The following JMY variants were observed in gnomAD, a reference collection of about 807,000 sequenced individuals.
JMY encodes junction-mediating and -regulatory protein.
A neutral mutation model predicts 103.3 loss-of-function variants in JMY; 46 were observed. The ratio of observed to expected loss-of-function variants is 0.45; its 90% CI spans 0.35 to 0.57. JMY has a LOEUF of 0.57. Ranked by LOEUF, JMY falls within the 20% of genes least tolerant of loss-of-function variation. The pLI is 0.00. For synonymous variants in JMY, 526 were observed against 489.3 expected (o/e 1.07, Z -0.99); for missense variants, 1,238 against 1,255.2 (o/e 0.99, Z 0.21).
chr5:79,290,623 T>G (rs1446646550), intron 3 of JMY, among the ~76,000 whole-genome samples: 1 of 152,158 alleles, frequency 6.6e-6, no homozygotes, highest in Non-Finnish European at 1.5e-5. Context: ...TTTATAAGTG[T>G]TTTAACTGCA....
chr5:79,256,400 C>T (rs1745243747), intron 1 of JMY, among the ~76,000 whole-genome samples: 2 of 151,992 alleles, frequency 1.3e-5, no homozygotes, highest in African/African-American at 4.8e-5. Context: ...ATCAGGGACC[C>T]CATGAGCCCA....
At chr5:79,278,150 G>A (rs532530473) in intron 2 of JMY, 67 bp downstream of exon 2, 19 of 1,102,786 alleles carry the variant, frequency 1.7e-5, no homozygotes, top group African/African-American at 1.4e-4. Flanking sequence ...AAGGCCATGC[G>A]TTATCCACAA....
rs148402002 is a variant in JMY, at chr5:79,264,342, C to G, written c.1033-13568C>G. On this transcript the variant is annotated intron_variant, in intron 1 of 10. Coordinates refer to ENST00000396137, the MANE Select transcript of JMY (RefSeq NM_152405.5). ...GCTTAAGCAATCCGCTGACCTCAGC[C>G]TCCCAGAGGGCTGGAATTACAGGTG... Among the ~76,000 whole-genome samples, 1,006 of 152,142 alleles carry G rather than the reference C, an allele frequency of 6.6e-3. 9 individuals carry two copies. The highest frequency in any genetic ancestry group is 0.023 in the African/African-American group (943 of 41,502).
At chr5:79,247,597 G>A (rs984458573) in intron 1 of JMY, among the ~76,000 whole-genome samples, 1 of 151,928 alleles carries the variant, frequency 6.6e-6, no homozygotes, top group African/African-American at 2.4e-5. Flanking sequence ...GATTATAAAC[G>A]TGAGCCACCT....
rs1040637611 is a variant in JMY, at chr5:79,325,587, G to A, written c.*3985G>A. ...GGAGTGACCAGCAAGATTTATTTCAGATGGAAAAGGGGTGAGAAAGTGGAA... is the reference window on the plus strand; with the variant it reads ...GGAGTGACCAGCAAGATTTATTTCAAATGGAAAAGGGGTGAGAAAGTGGAA... On this transcript the variant is annotated 3_prime_UTR_variant, in exon 11 of 11. Coordinates refer to ENST00000396137, the MANE Select transcript of JMY (RefSeq NM_152405.5). 3 of 152,142 alleles carry A rather than the reference G, an allele frequency of 2.0e-5. No homozygotes were observed. Among genetic ancestry groups the A allele is most frequent in the African/African-American group, 7.2e-5 (3 of 41,450 alleles). 9.4% of individuals were successfully genotyped at this position (152,142 alleles called of 1,614,324 possible).
rs370651121 is a variant in JMY at position 79,291,369 on chromosome 5, CA to C, written c.1527+71del. ...TTGTCATTTTAATCTTTGCACAAGA[CA>C]TTTTTTTGATTCGATAGGCAGTGAT... is the stretch of plus-strand genomic sequence containing the variant. On this transcript the variant is annotated intron_variant, in intron 4 of 10. Coordinates refer to ENST00000396137, the MANE Select transcript of JMY (RefSeq NM_152405.5). 37 of 1,369,210 alleles carry C rather than the reference CA, an allele frequency of 2.7e-5. No individual in the cohort carries two copies. The African/African-American group carries it at 5.0e-4, about 18-fold the overall frequency. 84.8% of individuals were successfully genotyped at this position (1,369,210 alleles called of 1,614,324 possible). A position where few individuals can be genotyped will look rare whatever the true frequency, so the allele number is the denominator to read the frequency against.
chr5:79,300,820 G>A lies in JMY; in HGVS notation c.1838G>A (p.Arg613His), dbSNP rs1746712866. 1 of 1,604,362 alleles carries A rather than the reference G, an allele frequency of 6.2e-7. No individual in the cohort carries two copies. The highest frequency in any genetic ancestry group is 8.5e-7 in the Non-Finnish European group (1 of 1,177,096). Residue 613 changes from arginine (R) to histidine (H), a missense_variant, in exon 6 of 11, where the codon CGT becomes CAT. Arg to His is a conservative substitution (Grantham distance 29). Transcript: ENST00000396137. Reference sequence around the variant, plus strand: ...AAAGCACGCCAGCTGGAAGCAAGACGTGGACGGGTTTCTGCCAAGAAATCC... The same window carrying A: ...AAAGCACGCCAGCTGGAAGCAAGACATGGACGGGTTTCTGCCAAGAAATCC... ...QQKARQLEAR[R>H]GRVSAKKSYL...
chr5:79,278,245 C>T (rs538256578), intron 2 of JMY, among the ~76,000 whole-genome samples, 162 bp downstream of exon 2: 1 of 151,794 alleles, frequency 6.6e-6, no homozygotes, highest in Admixed American at 6.6e-5. Flanking sequence ...GGGTTGTAGC[C>T]TGAGTATCCA....
intron 2 of JMY, among the ~76,000 whole-genome samples, chr5:79,288,349 T>G (rs1205198545): frequency 6.6e-6 from 1 of 152,076 alleles, no homozygotes; most frequent in Non-Finnish European, 1.5e-5. Context: ...TTTTCAGTGG[T>G]TTTTCTCTCT....
At chr5:79,295,864 A>G (rs950061357) in intron 4 of JMY, among the ~76,000 whole-genome samples, 5 of 152,242 alleles carry the variant, frequency 3.3e-5, no homozygotes, top group African/African-American at 1.2e-4. Flanking sequence ...GTCTAAATAC[A>G]AAAAGGTAGG....
intron 2 of JMY, 85 bp from the exon 3 acceptor site, chr5:79,290,036 C>A: frequency 1.1e-6 from 1 of 924,364 alleles, no homozygotes; most frequent in South Asian, 2.6e-5. Flanking sequence ...AACAAGTATT[C>A]TTTGTGGTAT....
intron 10 of JMY, 30 bp downstream of exon 10, chr5:79,316,340 T>C (rs1262769823): frequency 6.7e-7 from 1 of 1,502,330 alleles, no homozygotes; most frequent in Non-Finnish European, 9.1e-7. Flanking sequence ...TTAGTAGCAT[T>C]CAGTAATACA....
At position 79,273,360 on chromosome 5, in the gene JMY, CTA is replaced by C. The variant is rs529735163; in HGVS notation, c.1033-4548_1033-4547del. On this transcript the variant is annotated intron_variant, in intron 1 of 10. Coordinates refer to ENST00000396137, the MANE Select transcript of JMY (RefSeq NM_152405.5). ...GTTTTGTTTATTCCTCATCTGTTCT[CTA>C]TTGTTTCTAGTTTGTAGTCAGCATT... 3.0e-3 allele frequency among the ~76,000 whole-genome samples: 464 copies of C among 152,246 alleles called. 6 individuals are homozygous for C. The highest frequency in any genetic ancestry group is 8.5e-4 in the Non-Finnish European group (58 of 68,006).
intron 1 of JMY, among the ~76,000 whole-genome samples, chr5:79,267,645 G>A (rs1346713300): frequency 6.6e-6 from 1 of 152,100 alleles, no homozygotes; most frequent in Non-Finnish European, 1.5e-5. Context: ...AAACTCCCAG[G>A]GTCAAGCAAT....
At chr5:79,270,215 G>A (rs1052830541) in intron 1 of JMY, among the ~76,000 whole-genome samples, 2 of 150,662 alleles carry the variant, frequency 1.3e-5, no homozygotes, top group African/African-American at 2.4e-5. Flanking sequence ...GGACATCCTT[G>A]CTTTTTGCCT....
intron 1 of JMY, among the ~76,000 whole-genome samples, chr5:79,277,691 A>T (rs978148194): frequency 1.3e-5 from 2 of 152,056 alleles, no homozygotes; most frequent in African/African-American, 4.8e-5. Context: ...GGCTAAGCTC[A>T]ATACTTTGAG....
Position 79,237,696 on chromosome 5 carries a change from C to A in JMY, c.1032+14C>A. On this transcript the variant is annotated intron_variant, in intron 1 of 10. Coordinates refer to ENST00000396137, the MANE Select transcript of JMY (RefSeq NM_152405.5). ...CGCATCCAGGAGGTGAGTGAGTGAG[C>A]TCCTAGTCTGGGCTCTACTGGTCGC... is the stretch of plus-strand genomic sequence containing the variant. The A allele has an allele frequency of 6.2e-7, 1 of 1,603,430 alleles. No individual in the cohort carries two copies. The highest frequency in any genetic ancestry group is 8.5e-7 in the Non-Finnish European group (1 of 1,173,802).
At chr5:79,277,620 A>G (rs1362552343) in intron 1 of JMY, among the ~76,000 whole-genome samples, 1 of 151,966 alleles carries the variant, frequency 6.6e-6, no homozygotes, top group Non-Finnish European at 1.5e-5. Context: ...CCTGGGTGAC[A>G]GGAGTGAAAC....
At chr5:79,303,586 G>A (rs542759604) in intron 6 of JMY, among the ~76,000 whole-genome samples, 10 of 152,328 alleles carry the variant, frequency 6.6e-5, no homozygotes, top group Admixed American at 3.3e-4. Context: ...AGTGCGAGGA[G>A]AAAGGCTCTA....
Sources: gnomAD v4.1 joint callset for allele counts (sites outside exome capture counted in the v4.1 genomes callset) on GRCh38, gnomAD v4.1.1 for gene constraint, MANE v1.5 for transcripts, NCBI Gene and HGNC (gene_info 2026-07-23, HGNC 2026-07-21) for gene names.